The following ABR variants were observed in gnomAD, a reference collection of about 807,000 sequenced individuals.
The protein encoded by ABR is active breakpoint cluster region-related protein.
Under a neutral mutation model 107.2 loss-of-function variants are expected in ABR, and 35 were observed. The ratio of observed to expected loss-of-function variants is 0.33; its 90% CI spans 0.25 to 0.43. The LOEUF (loss-of-function observed/expected upper bound fraction) is 0.43, where lower values mean the gene tolerates loss of function less well. Ranked by LOEUF, ABR falls within the 20% of genes least tolerant of loss-of-function variation. ABR has a pLI of 1.00. For missense variants in ABR, 815 were observed against 1,115.2 expected, an observed-to-expected ratio of 0.73 and a Z score of 3.83; for synonymous variants, 498 against 462.0, an observed-to-expected ratio of 1.08 and a Z score of -1.00.
intron 2 of ABR, among the ~76,000 whole-genome samples, chr17:1,107,717 G>C (rs895199911): frequency 5.3e-5 from 8 of 152,116 alleles, no homozygotes; most frequent in African/African-American, 1.9e-4. Flanking sequence ...AGGCCTCCCT[G>C]AGCCCACGGG....
intron 2 of ABR, among the ~76,000 whole-genome samples, chr17:1,111,384 C>G (rs981816875): frequency 2.0e-5 from 3 of 152,160 alleles, no homozygotes; most frequent in African/African-American, 7.2e-5. Flanking sequence ...GACACAGACT[C>G]CACTCACAGG....
At chr17:1,121,675 G>C (rs1486536954) in intron 2 of ABR, among the ~76,000 whole-genome samples, 1 of 148,398 alleles carries the variant, frequency 6.7e-6, no homozygotes, top group African/African-American at 2.5e-5. Context: ...TGGGAGCTGA[G>C]TCCCCCAGGC....
intron 1 of ABR, chr17:1,155,825 A>G (rs7406919): frequency 0.44 from 66,602 of 151,552 alleles, 15,643 homozygotes; most frequent in East Asian, 0.63. Context: ...TTAGCCAGGC[A>G]TGGTGGCAGG....
At chr17:1,035,173 A>G (rs2073072705) in intron 16 of ABR, among the ~76,000 whole-genome samples, 1 of 151,684 alleles carries the variant, frequency 6.6e-6, no homozygotes, top group South Asian at 2.1e-4. Context: ...GTGGAAGAAG[A>G]TCTGTGCAAG....
chr17:1,137,572 A>G (rs1463092625), intron 1 of ABR, among the ~76,000 whole-genome samples: 1 of 152,196 alleles, frequency 6.6e-6, no homozygotes, highest in Non-Finnish European at 1.5e-5. Context: ...AACAATGACA[A>G]TGCTAACATG....
chr17:1,022,120 A>AAAAAAAAAAAAAAAAAAAAAAAAAC, intron 16 of ABR, among the ~76,000 whole-genome samples: 1 of 118,396 alleles, frequency 8.4e-6, no homozygotes, highest in Non-Finnish European at 1.6e-5. Context: ...AAAAAAAAAA[A>AAAAAAAAAAAAAAAAAAAAAAAAAC]AAAAACAGAA....
At chr17:1,039,627 G>GT (rs1245320376) in intron 16 of ABR, 44 of 152,858 alleles carry the variant, frequency 2.9e-4, no homozygotes, top group African/African-American at 1.0e-3. Context: ...CAGGACAATG[G>GT]CTGCAGTCAC....
Position 1,050,069 on chromosome 17 carries a change from A to T in ABR, c.1772T>A (p.Met591Lys), listed in dbSNP as rs1376620495. The T allele has an allele frequency of 1.9e-6, 3 of 1,614,090 alleles. No individual in the cohort carries two copies. Among genetic ancestry groups the T allele is most frequent in the Non-Finnish European group, 2.5e-6 (3 of 1,179,992 alleles). Residue 591 changes from methionine (M) to lysine (K), a missense_variant, in exon 16 of 23, where the codon ATG becomes AAG. By Grantham distance (95) the Met-to-Lys change is moderately conservative. Transcript: ENST00000302538. The surrounding 1 kb of genome is among the most constrained non-coding windows in gnomAD (Gnocchi z 4.6). ...KDNNEIVDKI[M>K]GKGQIQLDPQ... ...CCTCACCTGGATCTGTCCTTTGCCC[A>T]TGATCTTGTCCACGATCTCATTGTT... is the stretch of plus-strand genomic sequence containing the variant.
intron 16 of ABR, among the ~76,000 whole-genome samples, chr17:1,023,120 C>CGTCCACTGCAG (rs1257049551): frequency 3.3e-5 from 5 of 150,798 alleles, no homozygotes; most frequent in African/African-American, 1.2e-4. Flanking sequence ...ACGTCCACTA[C>CGTCCACTGCAG]AGCGCCTCTG....
At chr17:1,047,805 G>T (rs1238938926) in intron 16 of ABR, among the ~76,000 whole-genome samples, 1 of 152,098 alleles carries the variant, frequency 6.6e-6, no homozygotes. Flanking sequence ...CTGATGGTGT[G>T]TTTCCCCCGG....
At chr17:1,126,329 C>T (rs1245276787) in intron 1 of ABR, 2 of 152,430 alleles carry the variant, frequency 1.3e-5, no homozygotes, top group East Asian at 3.8e-4. Flanking sequence ...TGCTCCCCAG[C>T]TCTGACCCAC....
chr17:1,179,678 G>A lies in ABR; in HGVS notation c.50C>T (p.Thr17Ile). ...CCCGGCACACGTACTGCTGTAGAGG[G>A]TGTCGATCCAGGACAGGCGCGGCAG... The part of the protein sequence containing the change: ...RGLPRLSWID[T>I]LYSNFSYGTD... Residue 17 changes from threonine to isoleucine, a missense_variant, in exon 1 of 23, where the codon ACC becomes ATC. Thr to Ile is a moderately conservative substitution (Grantham distance 89). This residue lies in a region of ABR where 129 missense variants were observed against 124.8 expected (regional missense o/e 1.03). Coordinates refer to ENST00000302538, the MANE Select transcript of ABR (RefSeq NM_021962.5). The surrounding 1 kb of genome is among the most constrained non-coding windows in gnomAD (Gnocchi z 4.9). 1.9e-6 allele frequency: 3 copies of A among 1,567,588 alleles called. No homozygotes were observed. Among genetic ancestry groups the A allele is most frequent in the Non-Finnish European group, 2.6e-6 (3 of 1,158,106 alleles).
In ABR at chr17:1,042,360, C is replaced by T. The variant is rs1286695055; in HGVS notation, c.1791+7690G>A. Among the ~76,000 whole-genome samples the T allele has an allele frequency of 7.9e-5, 12 of 151,572 alleles. No individual in the cohort carries two copies. The East Asian group carries it at 9.7e-4, about 12-fold the overall frequency. On this transcript the variant is annotated intron_variant, in intron 16 of 22. Transcript: ENST00000302538. ...TAAACAGACGTGGCACCTACATCCA[C>T]GAACGGATGGATAAACAGACGTGGC...
Position 1,171,996 on chromosome 17 carries a change from A to G in ABR, c.61+7671T>C, listed in dbSNP as rs541108182. ...ATCAGGTCACCACAGAGCCGACCAC[A>G]TCTGGCTCTATCTACTGAAGCCCAG... On this transcript the variant is annotated intron_variant, in intron 1 of 22. Transcript: ENST00000302538. Among the ~76,000 whole-genome samples the G allele has an allele frequency of 2.0e-5, 3 of 152,322 alleles. No individual in the cohort carries two copies. The South Asian group carries it at 6.2e-4, about 32-fold the overall frequency.
chr17:1,135,422 G>C (rs1235311749), intron 1 of ABR, among the ~76,000 whole-genome samples: 1 of 147,852 alleles, frequency 6.8e-6, no homozygotes. Context: ...TGTTGCCCAG[G>C]CTGGAGCGAC....
chr17:1,208,887 C>CAAA (rs544264330), intron 1 of ABR, among the ~76,000 whole-genome samples: 4,205 of 64,596 alleles, frequency 0.065, 270 homozygotes, highest in African/African-American at 0.21. Flanking sequence ...GACTCCGTCT[C>CAAA]AAAAAAAAAA....
chr17:1,103,574 G>T (rs992640622), intron 2 of ABR, among the ~76,000 whole-genome samples: 1 of 152,142 alleles, frequency 6.6e-6, no homozygotes, highest in Non-Finnish European at 1.5e-5. Context: ...CCCCTGGCAC[G>T]AGCATAGACC....
chr17:1,191,337 T>C (rs1427751631), upstream of ABR, among the ~76,000 whole-genome samples: 1 of 148,676 alleles, frequency 6.7e-6, no homozygotes, highest in Non-Finnish European at 1.5e-5. Flanking sequence ...TTCTGGATGT[T>C]CCAGCATTTT....
chr17:1,208,464 G>A (rs2042838377), intron 1 of ABR, among the ~76,000 whole-genome samples: 1 of 152,342 alleles, frequency 6.6e-6, no homozygotes, highest in Non-Finnish European at 1.5e-5. Flanking sequence ...AGCCTGTGAA[G>A]AACCAGTCTC....
Sources: gnomAD v4.1 joint callset for allele counts (sites outside exome capture counted in the v4.1 genomes callset) on GRCh38, gnomAD v4.1.1 for gene constraint, gnomAD v4.1.1 regional missense constraint, Gnocchi (gnomAD v3.1) non-coding constraint, MANE v1.5 for transcripts, NCBI Gene and HGNC (gene_info 2026-07-23, HGNC 2026-07-21) for gene names.